YAE1: variants seen among roughly 807,000 people sequenced by gnomAD.
The protein encoded by YAE1 is YAE1 maturation factor of ABCE1, also known as protein YAE1 homolog.
YAE1 carries 22 observed loss-of-function variants against 23.0 expected under a neutral mutation model. The ratio of observed to expected loss-of-function variants is 0.96; its 90% CI spans 0.68 to 1.37. YAE1 has a LOEUF of 1.37. YAE1 is among the 40% of genes most tolerant of loss of function. The probability of loss-of-function intolerance (pLI) is 0.00; values close to 1 mark genes in which losing one functional copy is unlikely to be tolerated. For missense variants in YAE1, 260 were observed against 262.1 expected (o/e 0.99, Z 0.06); for synonymous variants, 101 against 97.0 (o/e 1.04, Z -0.24).
At chr7:39,577,595 G>A (rs748495859), downstream of YAE1, among the ~76,000 whole-genome samples, 4 of 152,212 alleles carry the variant, frequency 2.6e-5, no homozygotes, top group East Asian at 3.9e-4. Context: ...CCAGCCTGCC[G>A]GCACTGCGCT....
intron 2 of YAE1, among the ~76,000 whole-genome samples, chr7:39,584,153 A>T (rs1329214813): frequency 6.6e-6 from 1 of 152,118 alleles, no homozygotes; most frequent in African/African-American, 2.4e-5. Context: ...CCCCATTATT[A>T]TTTTAAAAGA....
chr7:39,578,316 C>G (rs997258740), intron 2 of YAE1, among the ~76,000 whole-genome samples: 12 of 152,208 alleles, frequency 7.9e-5, no homozygotes, highest in African/African-American at 2.7e-4. Context: ...CCGATCAGCT[C>G]TCTGTAAAAT....
intron 1 of YAE1, chr7:39,569,829 A>G: frequency 1.2e-6 from 1 of 805,086 alleles, no homozygotes; most frequent in Non-Finnish European, 2.2e-6. Flanking sequence ...TATAAAGTTT[A>G]TGAAGTCCTT....
chr7:39,571,577 A>G (rs1790567023), intron 2 of YAE1, among the ~76,000 whole-genome samples: 1 of 152,220 alleles, frequency 6.6e-6, no homozygotes, highest in African/African-American at 2.4e-5. Flanking sequence ...CAATGTGAAT[A>G]TTCACATCAT....
At chr7:39,585,116 T>A (rs1223320884) in intron 2 of YAE1, among the ~76,000 whole-genome samples, 2 of 152,176 alleles carry the variant, frequency 1.3e-5, no homozygotes, top group Non-Finnish European at 2.9e-5. Flanking sequence ...GACCATAGAG[T>A]ATCTCAGGCT....
intron 2 of YAE1, among the ~76,000 whole-genome samples, chr7:39,596,484 G>T (rs896980488): frequency 6.6e-6 from 1 of 151,958 alleles, no homozygotes; most frequent in Non-Finnish European, 1.5e-5. Flanking sequence ...CCTCAGCCTC[G>T]CCTCAGCCTC....
chr7:39,586,158 T>C (rs1022052584), intron 2 of YAE1, among the ~76,000 whole-genome samples: 10 of 150,548 alleles, frequency 6.6e-5, no homozygotes, highest in African/African-American at 2.0e-4. Flanking sequence ...TACCACCTCT[T>C]TTTCTTCTTT....
intron 2 of YAE1, among the ~76,000 whole-genome samples, chr7:39,580,431 C>A (rs891188783): frequency 6.6e-6 from 1 of 152,160 alleles, no homozygotes; most frequent in Admixed American, 6.5e-5. Context: ...CTGCTCTTTC[C>A]AAAAAGAAGA....
intron 2 of YAE1, among the ~76,000 whole-genome samples, chr7:39,607,991 G>C (rs1429014979): frequency 1.3e-5 from 2 of 152,086 alleles, no homozygotes; most frequent in Non-Finnish European, 2.9e-5. Context: ...TTTTGTTTTT[G>C]GCCTTTCCTC....
intron 2 of YAE1, among the ~76,000 whole-genome samples, chr7:39,599,148 G>A (rs1021633500): frequency 6.6e-6 from 1 of 151,940 alleles, no homozygotes; most frequent in East Asian, 1.9e-4. Context: ...GCTGAGGCTC[G>A]AAAATCACTT....
chr7:39,587,392 GA>G (rs966099707), intron 2 of YAE1, among the ~76,000 whole-genome samples: 4 of 151,802 alleles, frequency 2.6e-5, no homozygotes, highest in African/African-American at 9.7e-5. Context: ...AAAAGAAAAA[GA>G]AAAAAAGAAA....
At chr7:39,575,571 A>AGAGAGAGT (rs1453316961), downstream of YAE1, among the ~76,000 whole-genome samples, 6 of 93,064 alleles carry the variant, frequency 6.4e-5, no homozygotes, top group African/African-American at 3.0e-4. Context: ...AGAGAGAGAG[A>AGAGAGAGT]GAGAGAGTGA....
chr7:39,610,366 C>G (rs1003251495), downstream of YAE1: 8 of 465,604 alleles, frequency 1.7e-5, no homozygotes, highest in Admixed American at 1.9e-4. Flanking sequence ...TATCACATTT[C>G]AGCTCCAACT....
At chr7:39,608,876 AT>A (rs1791166231) in intron 2 of YAE1, among the ~76,000 whole-genome samples, 1 of 152,238 alleles carries the variant, frequency 6.6e-6, no homozygotes, top group Admixed American at 6.5e-5. Flanking sequence ...TGAAGAAGTT[AT>A]ATAATTAAAA....
rs1157442887 is a variant in YAE1, at chr7:39,570,534, G to C, written c.158G>C (p.Gly53Ala). 1.2e-6 allele frequency: 2 copies of C among 1,611,786 alleles called. No individual in the cohort carries two copies. Among genetic ancestry groups the C allele is most frequent in the Non-Finnish European group, 1.7e-6 (2 of 1,179,644 alleles). Residue 53 changes from glycine (G) to alanine (A), a missense_variant, in exon 2 of 3, where the codon GGC becomes GCC. By Grantham distance (60) the Gly-to-Ala change is moderately conservative. Transcript: ENST00000223273. ...KEGYRDGIDA[G>A]KAVTLQQGFN... is the part of the protein sequence containing the mutation. ...GGTTATAGAGATGGAATAGATGCTG[G>C]CAAAGCAGTTACTCTTCAACAGGGC...
chr7:39,571,897 G>A lies in YAE1; in HGVS notation c.252-380G>A, dbSNP rs551538156. 1.7e-3 allele frequency among the ~76,000 whole-genome samples: 251 copies of A among 152,096 alleles called. 2 individuals are homozygous for A. The highest frequency in any genetic ancestry group is 0.016 in the East Asian group (82 of 5,174). On this transcript the variant is annotated intron_variant, in intron 2 of 2. Transcript: ENST00000223273. ...TCAACTTTGGTTGCACCTTAACTCT[G>A]AAACTTAAAAAAAAGATACCCCCTG...
chr7:39,602,609 C>T (rs1473480146), intron 2 of YAE1, among the ~76,000 whole-genome samples: 1 of 152,234 alleles, frequency 6.6e-6, no homozygotes, highest in Non-Finnish European at 1.5e-5. Flanking sequence ...CTGCTTCATT[C>T]TTCTAAGGTG....
chr7:39,588,553 C>T (rs1001469506), intron 2 of YAE1, among the ~76,000 whole-genome samples: 3 of 151,582 alleles, frequency 2.0e-5, no homozygotes, highest in African/African-American at 7.3e-5. Context: ...AGCTACCCCC[C>T]ACACACTGCA....
rs556050755 is a variant in YAE1 at position 39,585,368 on chromosome 7, A to G, written c.251+14741A>G. Among the ~76,000 whole-genome samples, 3 of 152,296 alleles carry G rather than the reference A, an allele frequency of 2.0e-5. No homozygotes were observed. The East Asian group carries it at 5.8e-4, about 29-fold the overall frequency. On this transcript the variant is annotated intron_variant, in intron 2 of 2. Coordinates refer to the YAE1 transcript ENST00000432096. ...AACCCAGTCTGACCAGTATCCTTAT[A>G]AGAAGAGGAAATTTGGACACACAAA...
Sources: gnomAD v4.1 joint callset for allele counts (sites outside exome capture counted in the v4.1 genomes callset) on GRCh38, gnomAD v4.1.1 for gene constraint, MANE v1.5 for transcripts, NCBI Gene and HGNC (gene_info 2026-07-23, HGNC 2026-07-21) for gene names.